Variants in ERC1 observed in about 807,000 individuals in gnomAD.
The protein encoded by ERC1 is RAB6 interacting protein 2.
Under a neutral mutation model 132.0 loss-of-function variants are expected in ERC1, and 56 were observed. The ratio of observed to expected loss-of-function variants is 0.42; its 90% confidence interval spans 0.34 to 0.53. The LOEUF (loss-of-function observed/expected upper bound fraction) is 0.53, where lower values mean the gene tolerates loss of function less well. Ranked by LOEUF, ERC1 falls within the 20% of genes least tolerant of loss-of-function variation. ERC1 has a pLI of 0.03. For missense variants in ERC1, 1,202 were observed against 1,349.9 expected (o/e 0.89, Z 1.72); for synonymous variants, 478 against 476.1 (o/e 1.00, Z -0.05).
chr12:1,299,023 T>C (rs879331343), intron 15 of ERC1, among the ~76,000 whole-genome samples: 3 of 152,084 alleles, frequency 2.0e-5, no homozygotes, highest in Admixed American at 6.5e-5. Flanking sequence ...TCAAAATTCA[T>C]GAAGGACAGA....
chr12:1,272,946 TAAAAAAA>T (rs56750908), intron 14 of ERC1, among the ~76,000 whole-genome samples: 7 of 87,800 alleles, frequency 8.0e-5, no homozygotes, highest in African/African-American at 1.5e-4. Flanking sequence ...AGACTCCGTC[TAAAAAAA>T]AAAAAAAAAA....
intron 15 of ERC1, among the ~76,000 whole-genome samples, chr12:1,335,577 A>G (rs1333458763): frequency 6.6e-6 from 1 of 151,518 alleles, no homozygotes; most frequent in African/African-American, 2.4e-5. Context: ...GACAAAGCCT[A>G]CTTGATCTTG....
intron 3 of ERC1, 70 bp downstream of exon 3, chr12:1,083,650 G>C (rs1942547911): frequency 8.0e-7 from 1 of 1,243,996 alleles, no homozygotes; most frequent in Non-Finnish European, 1.1e-6. Flanking sequence ...TCAGCATCTT[G>C]GCCCCAGTGA....
At chr12:1,039,337 CAAA>C (rs573363202) in intron 2 of ERC1, among the ~76,000 whole-genome samples, 1 of 113,112 alleles carries the variant, frequency 8.8e-6, no homozygotes, top group Non-Finnish European at 1.9e-5. Flanking sequence ...GACGTTGTCT[CAAA>C]AAAAAAAAAA....
intron 17 of ERC1, among the ~76,000 whole-genome samples, chr12:1,422,894 C>T (rs867593167): frequency 5.9e-5 from 9 of 152,190 alleles, no homozygotes; most frequent in Middle Eastern, 3.4e-3. Flanking sequence ...TAAATAATAG[C>T]GATTTTGATT....
At chr12:1,259,234 T>C (rs1305227724) in intron 13 of ERC1, among the ~76,000 whole-genome samples, 3 of 152,136 alleles carry the variant, frequency 2.0e-5, no homozygotes, top group African/African-American at 7.2e-5. Flanking sequence ...GTTTCTACTG[T>C]TGTTTATTTT....
At chr12:1,153,052 G>C (rs968080207) in intron 8 of ERC1, 1 of 152,202 alleles carries the variant, frequency 6.6e-6, no homozygotes, top group African/African-American at 2.4e-5. Context: ...GGATGGTTTT[G>C]TGAGGACATT....
intron 8 of ERC1, among the ~76,000 whole-genome samples, chr12:1,157,695 C>T (rs60232712): frequency 0.043 from 6,494 of 152,194 alleles, 448 homozygotes; most frequent in African/African-American, 0.15. Flanking sequence ...GAACTTGTTA[C>T]TTTTTTTATT....
At chr12:1,438,032 G>A (rs956200228) in intron 17 of ERC1, among the ~76,000 whole-genome samples, 3 of 142,810 alleles carry the variant, frequency 2.1e-5, no homozygotes, top group South Asian at 2.1e-4. Flanking sequence ...TCTGATTAAC[G>A]TTTATTCATC....
At chr12:1,132,016 G>A (rs573946967) in intron 7 of ERC1, among the ~76,000 whole-genome samples, 3 of 152,302 alleles carry the variant, frequency 2.0e-5, no homozygotes, top group South Asian at 2.1e-4. Flanking sequence ...TGTGTGTCCT[G>A]CTGGTCTTTG....
intron 13 of ERC1, among the ~76,000 whole-genome samples, chr12:1,245,899 T>G (rs76228649): frequency 0.014 from 2,095 of 152,316 alleles, 52 homozygotes; most frequent in African/African-American, 0.048. Flanking sequence ...GAAGCCTCTT[T>G]GCATTTAAAC....
At chr12:1,340,080 C>T (rs1239560565) in intron 15 of ERC1, among the ~76,000 whole-genome samples, 1 of 152,118 alleles carries the variant, frequency 6.6e-6, no homozygotes, top group Non-Finnish European at 1.5e-5. Context: ...CAGCGTGTGA[C>T]CGTGGGGGCC....
At chr12:1,372,154 A>G (rs1346000095) in intron 16 of ERC1, among the ~76,000 whole-genome samples, 177 bp downstream of exon 16, 104 of 152,228 alleles carry the variant, frequency 6.8e-4, no homozygotes, top group Non-Finnish European at 7.3e-5. Context: ...TGTCTAGGAA[A>G]TGCAGAGCAT....
intron 15 of ERC1, among the ~76,000 whole-genome samples, chr12:1,299,886 A>G (rs1295787454): frequency 6.6e-6 from 1 of 152,216 alleles, no homozygotes; most frequent in African/African-American, 2.4e-5. Flanking sequence ...TAATAGACAA[A>G]GTCTTTGAAA....
intron 15 of ERC1, among the ~76,000 whole-genome samples, chr12:1,327,841 A>T (rs954270531): frequency 2.0e-5 from 3 of 146,878 alleles, no homozygotes; most frequent in South Asian, 4.3e-4. Context: ...TCATCTCATC[A>T]TTTTTTTTTT....
At chr12:1,060,776 A>G (rs1223650833) in intron 2 of ERC1, among the ~76,000 whole-genome samples, 2 of 144,382 alleles carry the variant, frequency 1.4e-5, no homozygotes, top group African/African-American at 2.6e-5. Flanking sequence ...CCCAGGCTGG[A>G]GTGCAGTGGT....
At chr12:1,225,829 A>G (rs1360026316) in intron 12 of ERC1, among the ~76,000 whole-genome samples, 1 of 152,218 alleles carries the variant, frequency 6.6e-6, no homozygotes, top group African/African-American at 2.4e-5. Flanking sequence ...AGGTGAAAGG[A>G]ATTTCTGCAC....
chr12:1,129,893 C>T (rs955951046), intron 7 of ERC1, among the ~76,000 whole-genome samples: 17 of 151,782 alleles, frequency 1.1e-4, no homozygotes, highest in Admixed American at 6.6e-5. Context: ...AATCTAATAT[C>T]AATATAATAG....
rs377056693 is a variant in ERC1, at chr12:1,161,222, G to A, written c.1738-19318G>A. ...GGTTATGATACGAATGGTATACGGT[G>A]GGGCAAAAAAACGAGGAATTTTAGA... On this transcript the variant is annotated intron_variant, in intron 8 of 18. Coordinates refer to ENST00000360905, the MANE Select transcript of ERC1 (RefSeq NM_178040.4). Among the ~76,000 whole-genome samples the A allele has an allele frequency of 3.3e-5, 5 of 152,076 alleles. No homozygotes were observed. The East Asian group carries it at 9.7e-4, about 29-fold the overall frequency.
Sources: allele counts gnomAD v4.1 joint callset (sites outside exome capture counted in the v4.1 genomes callset), GRCh38; gene constraint gnomAD v4.1.1; transcripts MANE v1.5; gene names NCBI Gene and HGNC (gene_info 2026-07-23, HGNC 2026-07-21).